MARCHF1: variants seen among roughly 807,000 people sequenced by gnomAD.
The protein encoded by MARCHF1 is E3 ubiquitin-protein ligase MARCHF1.
Under a neutral mutation model 54.2 loss-of-function variants are expected in MARCHF1, and 40 were observed. The observed-to-expected ratio is 0.74, with a 90% confidence interval of 0.57 to 0.96. MARCHF1 has a LOEUF of 0.96. Ranked by LOEUF, MARCHF1 falls within the 40% of genes least tolerant of loss-of-function variation. The probability of loss-of-function intolerance (pLI) is 0.00; values close to 1 mark genes in which losing one functional copy is unlikely to be tolerated. For missense variants in MARCHF1, 586 were observed against 656.5 expected (o/e 0.89, Z 1.17); for synonymous variants, 236 against 236.3 (o/e 1.00, Z 0.01).
Position 163,545,544 on chromosome 4 carries a change from C to T in MARCHF1, c.1339+52G>A, listed in dbSNP as rs997429282. 1.9e-6 allele frequency: 3 copies of T among 1,570,852 alleles called. No individual in the cohort carries two copies. The African/African-American group carries it at 4.1e-5, about 21-fold the overall frequency. On this transcript the variant is annotated intron_variant, in intron 9 of 9. Transcript: ENST00000514618. ...GGGGAAATAACTTCCCTATCCACCT[C>T]TGAGTATTGTCTTTAGGATCCAAGA...
chr4:163,621,634 A>G (rs1664813458), intron 5 of MARCHF1, among the ~76,000 whole-genome samples: 1 of 152,190 alleles, frequency 6.6e-6, no homozygotes, highest in Admixed American at 6.5e-5. Flanking sequence ...TAATTTTACT[A>G]CAATCTATAG....
At position 163,525,608 on chromosome 4, in the gene MARCHF1, AAAATT is replaced by A. The variant is rs1190806660; in HGVS notation, c.*3135_*3139del. On this transcript the variant is annotated 3_prime_UTR_variant, in exon 10 of 10. Transcript: ENST00000514618. ...ACGATAAGAGTGATAGTTCTTTAAA[AAAATT>A]AACAGCATCAATGTCTGGTTTAATA... The A allele has an allele frequency of 6.6e-6, 1 of 152,086 alleles. No individual in the cohort carries two copies. Among genetic ancestry groups the A allele is most frequent in the Non-Finnish European group, 1.5e-5 (1 of 68,006 alleles). The allele number at this position is 152,086 out of a possible 1,614,324, so 9.4% of individuals were successfully genotyped here.
chr4:164,105,834 C>A (rs1220866087), intron 2 of MARCHF1, among the ~76,000 whole-genome samples: 1 of 139,682 alleles, frequency 7.2e-6, no homozygotes, highest in Non-Finnish European at 1.5e-5. Flanking sequence ...AGGTAACCTA[C>A]AATATGGGAG....
At chr4:163,562,954 T>C (rs1579066048) in intron 8 of MARCHF1, among the ~76,000 whole-genome samples, 1 of 152,214 alleles carries the variant, frequency 6.6e-6, no homozygotes, top group East Asian at 1.9e-4. Flanking sequence ...GCTTTTACTC[T>C]GTCTTCTCAG....
chr4:163,632,817 G>T (rs887019709), intron 5 of MARCHF1, among the ~76,000 whole-genome samples: 4 of 152,378 alleles, frequency 2.6e-5, no homozygotes, highest in Middle Eastern at 3.4e-3. Flanking sequence ...CAAAAAGACA[G>T]CAGTAACCTC....
intron 3 of MARCHF1, among the ~76,000 whole-genome samples, chr4:163,895,298 C>A (rs181128493): frequency 2.6e-4 from 40 of 152,114 alleles, no homozygotes; most frequent in African/African-American, 8.7e-4. Context: ...TCATTATTGC[C>A]CTCACTTCTT....
intron 7 of MARCHF1, among the ~76,000 whole-genome samples, chr4:163,599,731 G>A (rs1026825191): frequency 1.3e-5 from 2 of 152,148 alleles, no homozygotes; most frequent in South Asian, 2.1e-4. Flanking sequence ...CACTCCCAGC[G>A]TTTCTGATTC....
chr4:164,031,921 T>A (rs554805670), intron 2 of MARCHF1, among the ~76,000 whole-genome samples: 1 of 152,342 alleles, frequency 6.6e-6, no homozygotes, highest in South Asian at 2.1e-4. Flanking sequence ...AGCTCCTCTT[T>A]GTACCTCTGG....
intron 2 of MARCHF1, among the ~76,000 whole-genome samples, chr4:164,088,017 C>T (rs187559825): frequency 5.3e-5 from 8 of 152,032 alleles, no homozygotes; most frequent in Admixed American, 2.0e-4. Flanking sequence ...AAATGGTCTT[C>T]ATACATATGA....
chr4:163,851,362 G>C (rs2111163084), intron 4 of MARCHF1, among the ~76,000 whole-genome samples: 1 of 152,280 alleles, frequency 6.6e-6, no homozygotes, highest in African/African-American at 2.4e-5. Context: ...GCCTGTGATT[G>C]ACATGTGTAC....
At chr4:163,973,697 G>C (rs769059167) in intron 3 of MARCHF1, among the ~76,000 whole-genome samples, 10 of 152,152 alleles carry the variant, frequency 6.6e-5, no homozygotes, top group Non-Finnish European at 1.5e-4. Flanking sequence ...AAAAATGGAA[G>C]AAATATTGCA....
chr4:163,846,823 A>G (rs1169124511), intron 4 of MARCHF1, among the ~76,000 whole-genome samples: 1 of 152,130 alleles, frequency 6.6e-6, no homozygotes, highest in African/African-American at 2.4e-5. Context: ...TAAGAAAAAC[A>G]CAATCTTACT....
chr4:163,680,901 A>G (rs1438394232), intron 5 of MARCHF1, among the ~76,000 whole-genome samples: 3 of 151,888 alleles, frequency 2.0e-5, no homozygotes, highest in Non-Finnish European at 2.9e-5. Context: ...TGTATGGCTC[A>G]TCATTGTATT....
At chr4:164,081,817 C>T (rs1275473863) in intron 2 of MARCHF1, among the ~76,000 whole-genome samples, 1 of 152,180 alleles carries the variant, frequency 6.6e-6, no homozygotes, top group East Asian at 1.9e-4. Flanking sequence ...CCTTTAGCTA[C>T]TTAAGTGTTT....
intron 3 of MARCHF1, among the ~76,000 whole-genome samples, chr4:163,934,576 TAAAAAA>T (rs551026107): frequency 2.6e-5 from 2 of 77,912 alleles, no homozygotes; most frequent in Admixed American, 1.6e-4. Context: ...TCTTTTTAAG[TAAAAAA>T]AAAAAAAAAA....
At chr4:164,279,357 T>C (rs1249566151) in intron 1 of MARCHF1, among the ~76,000 whole-genome samples, 1 of 151,474 alleles carries the variant, frequency 6.6e-6, no homozygotes, top group Non-Finnish European at 1.5e-5. Context: ...AAGAGTTCTT[T>C]TGAAATAATG....
intron 5 of MARCHF1, among the ~76,000 whole-genome samples, chr4:163,668,674 T>C (rs1743625131): frequency 1.3e-5 from 2 of 152,162 alleles, no homozygotes. Flanking sequence ...GTGGTGAGAC[T>C]AGAGCAGGCT....
intron 8 of MARCHF1, among the ~76,000 whole-genome samples, chr4:163,555,300 C>T (rs1739246806): frequency 6.6e-6 from 1 of 152,110 alleles, no homozygotes; most frequent in Admixed American, 6.6e-5. Flanking sequence ...ATATGCTGAA[C>T]TTTGACAATT....
chr4:163,829,412 C>A (rs1748952565), intron 4 of MARCHF1, among the ~76,000 whole-genome samples: 1 of 152,088 alleles, frequency 6.6e-6, no homozygotes, highest in African/African-American at 2.4e-5. Flanking sequence ...TCTCATAAAA[C>A]CTATTATAAA....
Sources: gnomAD v4.1 joint callset for allele counts (sites outside exome capture counted in the v4.1 genomes callset) on GRCh38, gnomAD v4.1.1 for gene constraint, MANE v1.5 for transcripts, NCBI Gene and HGNC (gene_info 2026-07-23, HGNC 2026-07-21) for gene names.